CABIN1: variants seen among roughly 807,000 people sequenced by gnomAD.
The protein encoded by CABIN1 is calcineurin binding protein 1.
In CABIN1, 133 loss-of-function variants were observed where a neutral mutation model predicts 227.7. The ratio of observed to expected loss-of-function variants is 0.58; its 90% CI spans 0.51 to 0.67. The LOEUF (loss-of-function observed/expected upper bound fraction) is 0.67, where lower values mean the gene tolerates loss of function less well. Among genes scored for constraint, CABIN1 ranks in the 30% least tolerant of loss-of-function variants. The pLI is 0.00. For missense variants in CABIN1, 2,408 were observed against 2,852.5 expected, an observed-to-expected ratio of 0.84 and a Z score of 3.55; for synonymous variants, 1,086 against 1,155.1, an observed-to-expected ratio of 0.94 and a Z score of 1.21.
intron 1 of CABIN1, among the ~76,000 whole-genome samples, chr22:24,019,594 G>A (rs1304868003): frequency 6.6e-6 from 1 of 151,338 alleles, no homozygotes; most frequent in African/African-American, 2.4e-5. Context: ...ATTGATTTTG[G>A]GGTTTTCCAG....
At chr22:24,171,554 TG>T (rs1361933421) in intron 33 of CABIN1, among the ~76,000 whole-genome samples, 158 bp from the exon 34 acceptor site, 4 of 152,186 alleles carry the variant, frequency 2.6e-5, no homozygotes, top group Non-Finnish European at 5.9e-5. Context: ...TGGACCTTGT[TG>T]GCAGCATTGT....
intron 29 of CABIN1, among the ~76,000 whole-genome samples, chr22:24,141,246 C>T (rs1422420776): frequency 2.0e-5 from 3 of 152,324 alleles, no homozygotes; most frequent in Non-Finnish European, 2.9e-5. Flanking sequence ...TGGCCTTAGC[C>T]GTCACACCCA....
chr22:24,037,851 G>A (rs1451709732), intron 3 of CABIN1, among the ~76,000 whole-genome samples: 3 of 152,176 alleles, frequency 2.0e-5, no homozygotes, highest in Non-Finnish European at 2.9e-5. Context: ...CTGTCCAGCC[G>A]GTCTGTAAAA....
rs182558512 is a variant in CABIN1, at chr22:24,063,059, C to T, written c.1797C>T (p.Ala599=). The T allele has an allele frequency of 3.1e-6, 5 of 1,614,198 alleles. No individual in the cohort carries two copies. Among genetic ancestry groups the T allele is most frequent in the Admixed American group, 3.3e-5 (2 of 60,024 alleles). The part of the protein sequence containing the change: ...CLGDLLQLSF[A]SSQRDLFEDG... ...GTGACCTCCTACAGCTGTCATTTGC[C>T]TCGTCCCAGCGCGACCTGTTCGAGG... The change falls in exon 14 of 37, where the codon GCC becomes GCT. Residue 599 remains alanine, a synonymous_variant. Coordinates refer to ENST00000263119, the MANE Select transcript of CABIN1 (RefSeq NM_012295.4).
At chr22:24,165,276 A>G (rs2046380731) in intron 30 of CABIN1, among the ~76,000 whole-genome samples, 1 of 152,232 alleles carries the variant, frequency 6.6e-6, no homozygotes, top group Admixed American at 6.5e-5. Flanking sequence ...GCTGCTGAGC[A>G]CAGCACACAG....
chr22:24,081,115 C>T (rs138479092), intron 19 of CABIN1, among the ~76,000 whole-genome samples: 1,627 of 152,180 alleles, frequency 0.011, 18 homozygotes, highest in Middle Eastern at 0.024. Flanking sequence ...AACTTGTGGA[C>T]GCTAAAATTT....
chr22:24,045,350 A>G (rs1302400358), intron 6 of CABIN1, among the ~76,000 whole-genome samples: 1 of 152,182 alleles, frequency 6.6e-6, no homozygotes, highest in Admixed American at 6.5e-5. Context: ...TACAGGTAGC[A>G]TGCCTGTAGT....
At chr22:24,097,531 A>G (rs1025573309) in intron 25 of CABIN1, among the ~76,000 whole-genome samples, 1 of 152,204 alleles carries the variant, frequency 6.6e-6, no homozygotes, top group Non-Finnish European at 1.5e-5. Flanking sequence ...ACCATGTTTT[A>G]TGTAACCACT....
chr22:24,041,130 T>C lies in CABIN1; in HGVS notation c.211-9T>C. 1 of 1,614,208 alleles carries C rather than the reference T, an allele frequency of 6.2e-7. No homozygotes were observed. On this transcript the variant is annotated splice_polypyrimidine_tract_variant and intron_variant, in intron 4 of 36. Coordinates refer to ENST00000263119, the MANE Select transcript of CABIN1 (RefSeq NM_012295.4). ...TCTAGTTGTCACTTCTGTTCTGTTT[T>C]GTTCACAGGCAGTTTCATCCGGTGA...
intron 27 of CABIN1, among the ~76,000 whole-genome samples, chr22:24,117,597 T>C (rs528955968): frequency 2.3e-4 from 35 of 152,160 alleles, no homozygotes; most frequent in Non-Finnish European, 4.0e-4. Flanking sequence ...AGAATAGCTG[T>C]CTCTCTGAGA....
Position 24,177,857 on chromosome 22 carries a change from A to G in CABIN1, c.6519+40A>G, listed in dbSNP as rs1267346328. ...TGGGCTGGAGCCATGTGTGGGTGGGAGGCATAGGTTACAAAGGGGGCCTAG... is the reference window on the plus strand; with the variant it reads ...TGGGCTGGAGCCATGTGTGGGTGGGGGGCATAGGTTACAAAGGGGGCCTAG... On this transcript the variant is annotated intron_variant, in intron 36 of 36. Coordinates refer to ENST00000263119, the MANE Select transcript of CABIN1 (RefSeq NM_012295.4). The surrounding 1 kb of genome is among the most constrained non-coding windows in gnomAD (Gnocchi z 4.4). 6.8e-7 allele frequency: 1 copy of G among 1,470,714 alleles called. No individual in the cohort carries two copies. The highest frequency in any genetic ancestry group is 1.8e-5 in the Admixed American group (1 of 55,940). The allele number at this position is 1,470,714 out of a possible 1,614,324, so 91.1% of individuals were successfully genotyped here.
chr22:24,062,231 C>T (rs1471227610), intron 13 of CABIN1, among the ~76,000 whole-genome samples: 1 of 152,130 alleles, frequency 6.6e-6, no homozygotes, highest in Non-Finnish European at 1.5e-5. Context: ...AGGGAGCCAC[C>T]TCCCTGCTTT....
chr22:24,141,549 T>C (rs1252714858), intron 29 of CABIN1, among the ~76,000 whole-genome samples: 1 of 152,180 alleles, frequency 6.6e-6, no homozygotes, highest in African/African-American at 2.4e-5. Flanking sequence ...CCTTGCCAGG[T>C]GTTTTGGCAG....
At chr22:24,083,199 C>A (rs1211027635) in intron 19 of CABIN1, 29 bp from the exon 20 acceptor site, 8 of 1,611,080 alleles carry the variant, frequency 5.0e-6, no homozygotes, top group Admixed American at 1.7e-5. Context: ...CAGGCCCTCA[C>A]CTCAGGCCAT....
At chr22:24,174,389 A>C (rs2046993577) in intron 34 of CABIN1, among the ~76,000 whole-genome samples, 1 of 152,184 alleles carries the variant, frequency 6.6e-6, no homozygotes, top group Non-Finnish European at 1.5e-5. Flanking sequence ...TCAGCCTCCC[A>C]AAGTGCTGGG....
At chr22:24,035,567 T>G (rs2036810461) in intron 2 of CABIN1, 47 bp downstream of exon 2, 1 of 1,612,162 alleles carries the variant, frequency 6.2e-7, no homozygotes, top group African/African-American at 1.3e-5. Flanking sequence ...TGTTCTTTTG[T>G]TACGTTACTC....
intron 8 of CABIN1, among the ~76,000 whole-genome samples, 185 bp downstream of exon 8, chr22:24,051,159 GCTCT>G (rs902065728): frequency 2.0e-5 from 3 of 152,182 alleles, no homozygotes; most frequent in African/African-American, 7.2e-5. Flanking sequence ...AAGCAGGTCA[GCTCT>G]CTCTCAAGTA....
chr22:24,081,158 A>C (rs1398181109), intron 19 of CABIN1, among the ~76,000 whole-genome samples: 1 of 152,190 alleles, frequency 6.6e-6, no homozygotes, highest in East Asian at 1.9e-4. Context: ...GTTAAAAAAT[A>C]GTTTTTTTCT....
intron 33 of CABIN1, among the ~76,000 whole-genome samples, chr22:24,170,697 G>A (rs1185407512): frequency 2.6e-5 from 4 of 151,478 alleles, no homozygotes; most frequent in Admixed American, 6.6e-5. Flanking sequence ...TGAGGAACAG[G>A]GCATTTTAGC....
Sources: allele counts gnomAD v4.1 joint callset (sites outside exome capture counted in the v4.1 genomes callset), GRCh38; gene constraint gnomAD v4.1.1; non-coding constraint Gnocchi (gnomAD v3.1); transcripts MANE v1.5; gene names NCBI Gene and HGNC (gene_info 2026-07-23, HGNC 2026-07-21).